The following ARL13B variants were observed in gnomAD, a reference collection of about 807,000 sequenced individuals.
ARL13B encodes ADP-ribosylation factor-like protein 13B.
A neutral mutation model predicts 56.1 loss-of-function variants in ARL13B; 36 were observed. The observed-to-expected ratio is 0.64, with a 90% CI of 0.49 to 0.85. ARL13B has a LOEUF of 0.85. Among genes scored for constraint, ARL13B ranks in the 40% least tolerant of loss-of-function variants. ARL13B has a pLI of 0.00. For missense variants in ARL13B, 519 were observed against 507.1 expected (o/e 1.02, Z -0.23); for synonymous variants, 178 against 171.1 (o/e 1.04, Z -0.32).
At chr3:94,042,605 AAAC>A (rs1483695241) in intron 6 of ARL13B, among the ~76,000 whole-genome samples, 2 of 152,170 alleles carry the variant, frequency 1.3e-5, no homozygotes, top group African/African-American at 2.4e-5. Flanking sequence ...TTTTTTGTTT[AAAC>A]AACAAATACA....
chr3:94,017,735 T>C (rs1196438040), intron 3 of ARL13B, among the ~76,000 whole-genome samples: 1 of 152,200 alleles, frequency 6.6e-6, no homozygotes, highest in Non-Finnish European at 1.5e-5. Flanking sequence ...ATATTTGAGA[T>C]GTGAGACTGA....
intron 3 of ARL13B, among the ~76,000 whole-genome samples, chr3:94,021,292 C>T (rs913552552): frequency 7.3e-5 from 11 of 151,286 alleles, no homozygotes; most frequent in African/African-American, 1.2e-4. Context: ...CTCCTGGGTT[C>T]GAAGCGATTC....
chr3:93,991,815 T>C (rs1217893144), intron 1 of ARL13B, among the ~76,000 whole-genome samples: 1 of 152,258 alleles, frequency 6.6e-6, no homozygotes, highest in East Asian at 1.9e-4. Context: ...ATTTAATGCT[T>C]TGTTATCAGG....
At chr3:94,005,670 T>TTATGAAATA (rs1391506579) in intron 3 of ARL13B, among the ~76,000 whole-genome samples, 1 of 152,206 alleles carries the variant, frequency 6.6e-6, no homozygotes, top group Non-Finnish European at 1.5e-5. Flanking sequence ...TGTAATATGT[T>TTATGAAATA]TATGAAATAT....
In ARL13B at chr3:94,053,586, C is replaced by A. The variant is rs1231819810; in HGVS notation, c.*323C>A. 3 of 507,018 alleles carry A rather than the reference C, an allele frequency of 5.9e-6. No individual in the cohort carries two copies. The highest frequency in any genetic ancestry group is 5.8e-5 in the African/African-American group (3 of 52,168). 31.4% of individuals were successfully genotyped at this position (507,018 alleles called of 1,614,324 possible). ...AAACTTTACAAAAAGAGCCAATGGA[C>A]TCAGCACTTTCTTTACTATTTGTTC... is the stretch of plus-strand genomic sequence containing the variant. On this transcript the variant is annotated 3_prime_UTR_variant, in exon 10 of 10. Coordinates refer to ENST00000394222, the MANE Select transcript of ARL13B (RefSeq NM_001174150.2).
intron 2 of ARL13B, among the ~76,000 whole-genome samples, chr3:94,001,794 G>C (rs984508666): frequency 2.0e-5 from 3 of 152,106 alleles, no homozygotes; most frequent in Non-Finnish European, 4.4e-5. Flanking sequence ...ACTGATGATT[G>C]CCTGGGGTTC....
chr3:94,035,234 C>G, intron 3 of ARL13B, 97 bp from the exon 4 acceptor site: 1 of 808,118 alleles, frequency 1.2e-6, no homozygotes, highest in East Asian at 2.8e-5. Flanking sequence ...AAGACTCAGT[C>G]TCAAAAAAAA....
At chr3:93,984,786 C>T (rs777835444) in intron 1 of ARL13B, among the ~76,000 whole-genome samples, 3 of 152,082 alleles carry the variant, frequency 2.0e-5, no homozygotes, top group Admixed American at 1.3e-4. Context: ...TTGGGAAGAT[C>T]GCTTGAGCCT....
chr3:94,030,130 A>G (rs1222569621), intron 3 of ARL13B, among the ~76,000 whole-genome samples: 6 of 152,162 alleles, frequency 3.9e-5, no homozygotes, highest in Non-Finnish European at 5.9e-5. Context: ...ATGGTTACCT[A>G]TAAGGGAAGG....
At chr3:94,052,502 A>G (rs1325464823) in intron 9 of ARL13B, among the ~76,000 whole-genome samples, 1 of 152,136 alleles carries the variant, frequency 6.6e-6, no homozygotes, top group Non-Finnish European at 1.5e-5. Flanking sequence ...CTATTTCAAG[A>G]TAGAGAGTTA....
chr3:94,005,174 A>C (rs899986870), intron 3 of ARL13B, among the ~76,000 whole-genome samples: 1 of 152,184 alleles, frequency 6.6e-6, no homozygotes, highest in African/African-American at 2.4e-5. Context: ...GGGTTGGGAA[A>C]GTGTTTGGGA....
intron 3 of ARL13B, among the ~76,000 whole-genome samples, chr3:94,021,680 G>A (rs1433017821): frequency 6.6e-6 from 1 of 152,074 alleles, no homozygotes; most frequent in African/African-American, 2.4e-5. Flanking sequence ...AAAATTTGAT[G>A]TTAAAGTAGG....
At chr3:94,049,794 A>G (rs1180012748) in intron 8 of ARL13B, among the ~76,000 whole-genome samples, 1 of 152,042 alleles carries the variant, frequency 6.6e-6, no homozygotes, top group Non-Finnish European at 1.5e-5. Flanking sequence ...TTCAAGTTCT[A>G]TTTGAAATAT....
chr3:93,988,239 A>G (rs771529111), intron 1 of ARL13B, among the ~76,000 whole-genome samples: 6 of 138,638 alleles, frequency 4.3e-5, no homozygotes, highest in Admixed American at 1.5e-4. Context: ...CAATTCTGTG[A>G]AAAAAAAAAA....
intron 3 of ARL13B, among the ~76,000 whole-genome samples, chr3:94,012,794 A>G (rs1447962663): frequency 3.9e-5 from 6 of 152,066 alleles, no homozygotes; most frequent in Admixed American, 6.6e-5. Context: ...TTCCTACTGC[A>G]TTAACTTTCT....
At chr3:93,996,538 A>G in intron 2 of ARL13B, 1 of 265,280 alleles carries the variant, frequency 3.8e-6, no homozygotes, top group South Asian at 3.5e-5. Context: ...TTTAATTTTT[A>G]ATTTATTAGG....
rs538476731 is a variant in ARL13B, at chr3:94,053,136, T to C, written c.1211-51T>C. The stretch of plus-strand genomic sequence containing the variant: ...AAAAAATAATGAACTGTGTCAAAAA[T>C]CTTGATGTACCATAACTGTTTTGTG... On this transcript the variant is annotated intron_variant, in intron 9 of 9. Transcript: ENST00000394222. The C allele has an allele frequency of 8.6e-5, 124 of 1,447,144 alleles. 2 individuals are homozygous for C. The South Asian group carries it at 1.3e-3, about 16-fold the overall frequency. 89.6% of individuals were successfully genotyped at this position (1,447,144 alleles called of 1,614,324 possible).
chr3:93,982,986 A>G (rs565398877), intron 1 of ARL13B, among the ~76,000 whole-genome samples: 3 of 152,238 alleles, frequency 2.0e-5, no homozygotes, highest in African/African-American at 4.8e-5. Context: ...ATTATTATGT[A>G]TATATTTGTT....
At chr3:94,027,279 ATAG>A (rs969171786) in intron 3 of ARL13B, among the ~76,000 whole-genome samples, 5 of 152,088 alleles carry the variant, frequency 3.3e-5, no homozygotes, top group African/African-American at 1.2e-4. Context: ...TGAGGGCCAA[ATAG>A]TAGTTTCTAA....
Sources: gnomAD v4.1 joint callset for allele counts (sites outside exome capture counted in the v4.1 genomes callset) on GRCh38, gnomAD v4.1.1 for gene constraint, MANE v1.5 for transcripts, NCBI Gene and HGNC (gene_info 2026-07-23, HGNC 2026-07-21) for gene names.